RBM44: variants seen among roughly 807,000 people sequenced by gnomAD.
The protein encoded by RBM44 is RNA binding motif protein 44, also known as RNA-binding protein 44.
A neutral mutation model predicts 105.1 loss-of-function variants in RBM44; 66 were observed. That is an observed-to-expected ratio of 0.63 (90% CI 0.52 to 0.77). The LOEUF (loss-of-function observed/expected upper bound fraction) is 0.77, where lower values mean the gene tolerates loss of function less well. Ranked by LOEUF, RBM44 falls within the 30% of genes least tolerant of loss-of-function variation. RBM44 has a pLI of 0.00. For missense variants in RBM44, 1,122 were observed against 1,207.8 expected (o/e 0.93, Z 1.05); for synonymous variants, 365 against 417.6 (o/e 0.87, Z 1.54).
At chr2:237,815,100 T>C (rs1576502606) in intron 2 of RBM44, among the ~76,000 whole-genome samples, 1 of 152,150 alleles carries the variant, frequency 6.6e-6, no homozygotes, top group Non-Finnish European at 1.5e-5. Flanking sequence ...GGAAGATTGC[T>C]TGATGCAAGT....
intron 15 of RBM44, among the ~76,000 whole-genome samples, chr2:237,840,986 T>C (rs1234997615): frequency 6.6e-6 from 1 of 152,234 alleles, no homozygotes; most frequent in Non-Finnish European, 1.5e-5. Flanking sequence ...GTAAATTAGT[T>C]CAGTCATTGT....
At chr2:237,828,098 A>T (rs2150985905) in intron 12 of RBM44, among the ~76,000 whole-genome samples, 1 of 152,318 alleles carries the variant, frequency 6.6e-6, no homozygotes, top group South Asian at 2.1e-4. Flanking sequence ...TTAGGTAGAC[A>T]GCTACCTCAT....
At chr2:237,819,134 C>T (rs1012752804) in intron 4 of RBM44, among the ~76,000 whole-genome samples, 175 bp downstream of exon 4, 1 of 152,086 alleles carries the variant, frequency 6.6e-6, no homozygotes, top group Non-Finnish European at 1.5e-5. Context: ...AATATTAAAG[C>T]TCTTCACTTA....
At position 237,824,292 on chromosome 2, in the gene RBM44, C is replaced by T; in HGVS notation, c.2322C>T (p.Asp774=). ...AGCTCACTGTGTTGAGTGTCTTAGA[C>T]TGCAGACATTACCAAGAGACAAGCG... is the stretch of plus-strand genomic sequence containing the variant. ...DFSQLKLGDK[D]CRHYQETSED... The change falls in exon 10 of 16, where the codon GAC becomes GAT. Residue 774 remains aspartate (D), a splice_region_variant and synonymous_variant. Transcript: ENST00000316997. 2 of 1,612,758 alleles carry T rather than the reference C, an allele frequency of 1.2e-6. No homozygotes were observed. The highest frequency in any genetic ancestry group is 1.7e-6 in the Non-Finnish European group (2 of 1,179,162).
rs1428990200 is a variant in RBM44, at chr2:237,818,602, A to T, written c.1677+6A>T. On this transcript the variant is annotated splice_donor_region_variant and intron_variant, in intron 3 of 15. Coordinates refer to ENST00000316997, the MANE Select transcript of RBM44 (RefSeq NM_001080504.3). The surrounding 1 kb of genome is among the most constrained non-coding windows in gnomAD (Gnocchi z 4.6). ...ATGGAAATTTTCTAAATAAGGTAAA[A>T]TCAATATGAGTAATAATAAAATTTG... The T allele has an allele frequency of 1.4e-6, 2 of 1,481,268 alleles. No individual in the cohort carries two copies. The highest frequency in any genetic ancestry group is 4.8e-5 in the East Asian group (2 of 42,022). 91.8% of individuals were successfully genotyped at this position (1,481,268 alleles called of 1,614,324 possible). A position where few individuals can be genotyped will look rare whatever the true frequency, so the allele number is the denominator to read the frequency against.
intron 1 of RBM44, among the ~76,000 whole-genome samples, chr2:237,799,608 G>T (rs1019112944): frequency 1.3e-5 from 2 of 152,102 alleles, no homozygotes; most frequent in African/African-American, 2.4e-5. Flanking sequence ...GCCCGGCCAG[G>T]GCCTGACTTT....
rs186814367 is a variant in RBM44, at chr2:237,837,961, G to A, written c.*22+3538G>A. 2.7e-4 allele frequency among the ~76,000 whole-genome samples: 40 copies of A among 150,888 alleles called. No homozygotes were observed. The East Asian group carries it at 6.9e-3, about 26-fold the overall frequency. On this transcript the variant is annotated intron_variant, in intron 15 of 15. Transcript: ENST00000316997. Reference sequence around the variant, plus strand: ...GTTTAAAAAAAAGTTTAAGGAAATTGACTCCAATTTTGAAAGAAGTCCTTC... The same window carrying A: ...GTTTAAAAAAAAGTTTAAGGAAATTAACTCCAATTTTGAAAGAAGTCCTTC...
chr2:237,825,882 T>G (rs916845304), intron 10 of RBM44, among the ~76,000 whole-genome samples: 1 of 152,190 alleles, frequency 6.6e-6, no homozygotes, highest in African/African-American at 2.4e-5. Flanking sequence ...TACATCATTA[T>G]TCAAAGAGAT....
intron 4 of RBM44, 59 bp downstream of exon 4, chr2:237,819,018 G>C: frequency 1.1e-6 from 1 of 889,768 alleles, no homozygotes; most frequent in Non-Finnish European, 1.7e-6. Context: ...AATAGTATTT[G>C]CTTTCTGTAT....
rs116572809 is a variant in RBM44 at position 237,841,206 on chromosome 2, G to A, written c.*23-633G>A. Among the ~76,000 whole-genome samples the A allele has an allele frequency of 0.027, 4,181 of 152,212 alleles. 80 individuals carry two copies. The highest frequency in any genetic ancestry group is 0.085 in the Middle Eastern group (25 of 294). On this transcript the variant is annotated intron_variant, in intron 15 of 15. Coordinates refer to ENST00000316997, the MANE Select transcript of RBM44 (RefSeq NM_001080504.3). This position sits in a 1 kb window ranked among gnomAD's most constrained non-coding sequence, Gnocchi z 4.5. ...CGTGGTAGACTGGATAAAGATAAGT[G>A]TATATATACACCATGGAGTACTATG...
intron 1 of RBM44, among the ~76,000 whole-genome samples, chr2:237,801,399 G>A (rs538377048): frequency 6.6e-6 from 1 of 152,022 alleles, no homozygotes; most frequent in Non-Finnish European, 1.5e-5. Flanking sequence ...ATCTTGGCCC[G>A]CTGCAACCTC....
At chr2:237,836,778 CAAAAAAA>C (rs71039782) in intron 15 of RBM44, among the ~76,000 whole-genome samples, 128 of 87,998 alleles carry the variant, frequency 1.5e-3, no homozygotes, top group African/African-American at 5.3e-3. Context: ...GACTCCGTCT[CAAAAAAA>C]AAAAAAAAAA....
At chr2:237,834,717 G>C (rs2061939975) in intron 15 of RBM44, 1 of 178,048 alleles carries the variant, frequency 5.6e-6, no homozygotes, top group Non-Finnish European at 1.1e-5. Context: ...CAGTCAAGAT[G>C]TTGGCCTGGA....
At chr2:237,805,829 G>T (rs977843003) in intron 1 of RBM44, among the ~76,000 whole-genome samples, 5 of 152,112 alleles carry the variant, frequency 3.3e-5, no homozygotes, top group African/African-American at 1.2e-4. Context: ...GCCAGGCATG[G>T]TGTTGTACAC....
chr2:237,834,199 C>T, intron 14 of RBM44, 57 bp downstream of exon 14: 1 of 1,514,648 alleles, frequency 6.6e-7, no homozygotes. Context: ...AAATATAGTT[C>T]AAGTTAATAA....
intron 15 of RBM44, among the ~76,000 whole-genome samples, chr2:237,835,434 C>T (rs1316070079): frequency 1.3e-5 from 2 of 152,138 alleles, no homozygotes; most frequent in African/African-American, 4.8e-5. Context: ...CCAAGATAGG[C>T]TGAAAACTGG....
intron 1 of RBM44, among the ~76,000 whole-genome samples, chr2:237,804,814 T>A (rs1462017909): frequency 6.6e-6 from 1 of 152,230 alleles, no homozygotes; most frequent in East Asian, 1.9e-4. Context: ...AGGTGCCACT[T>A]GTCTTTTTTT....
At chr2:237,819,620 C>T (rs1368288141) in intron 4 of RBM44, among the ~76,000 whole-genome samples, 1 of 151,808 alleles carries the variant, frequency 6.6e-6, no homozygotes, top group African/African-American at 2.4e-5. Flanking sequence ...GGAAGACCTC[C>T]AAAAACTACT....
chr2:237,833,641 G>A (rs2061924664), intron 13 of RBM44, among the ~76,000 whole-genome samples: 1 of 152,132 alleles, frequency 6.6e-6, no homozygotes, highest in African/African-American at 2.4e-5. Context: ...TCTCTCTCCT[G>A]TGCATCCAAA....
Sources: gnomAD v4.1 joint callset for allele counts (sites outside exome capture counted in the v4.1 genomes callset) on GRCh38, gnomAD v4.1.1 for gene constraint, Gnocchi (gnomAD v3.1) non-coding constraint, MANE v1.5 for transcripts, NCBI Gene and HGNC (gene_info 2026-07-23, HGNC 2026-07-21) for gene names.